Variants in L3MBTL4 observed in about 807,000 individuals in gnomAD.
The protein encoded by L3MBTL4 is L3MBTL histone methyl-lysine binding protein 4, also known as lethal(3)malignant brain tumor-like protein 4.
A neutral mutation model predicts 84.5 loss-of-function variants in L3MBTL4; 70 were observed. That is an observed-to-expected ratio of 0.83 (90% CI 0.68 to 1.01). The LOEUF (loss-of-function observed/expected upper bound fraction) is 1.01, where lower values mean the gene tolerates loss of function less well. Ranked by LOEUF, L3MBTL4 falls within the 50% of genes least tolerant of loss-of-function variation. L3MBTL4 has a pLI of 0.00. For synonymous variants in L3MBTL4, 274 were observed against 259.8 expected, an observed-to-expected ratio of 1.05 and a Z score of -0.52; for missense variants, 715 against 754.8, an observed-to-expected ratio of 0.95 and a Z score of 0.62.
intron 1 of L3MBTL4, among the ~76,000 whole-genome samples, chr18:6,321,049 T>A (rs1202694129): frequency 6.6e-6 from 1 of 152,088 alleles, no homozygotes; most frequent in Non-Finnish European, 1.5e-5. Flanking sequence ...TGAAACAGGA[T>A]CCCTCTCTCT....
At chr18:6,293,492 A>G (rs2049959828) in intron 4 of L3MBTL4, among the ~76,000 whole-genome samples, 1 of 152,210 alleles carries the variant, frequency 6.6e-6, no homozygotes, top group South Asian at 2.1e-4. Flanking sequence ...AAATCCACTG[A>G]ATAAAATAAG....
chr18:6,298,804 G>A (rs1168709979), intron 4 of L3MBTL4, among the ~76,000 whole-genome samples: 3 of 152,092 alleles, frequency 2.0e-5, no homozygotes, highest in Non-Finnish European at 2.9e-5. Flanking sequence ...AACCCGGGAG[G>A]CGGAGGTTGC....
At position 6,390,664 on chromosome 18, in the gene L3MBTL4, G is replaced by T. The variant is rs76762851; in HGVS notation, c.-91+24137C>A. On this transcript the variant is annotated intron_variant, in intron 1 of 18. Coordinates refer to ENST00000317931, the MANE Select transcript of L3MBTL4 (RefSeq NM_001330559.2). ...TGGAGACATTACAACCAACACCACA[G>T]AAATACAAAAAATCCTTCGAGACTG... Among the ~76,000 whole-genome samples the T allele has an allele frequency of 3.7e-3, 563 of 152,204 alleles. 3 individuals carry two copies. The highest frequency in any genetic ancestry group is 5.8e-3 in the Admixed American group (89 of 15,292).
At chr18:6,241,218 G>A (rs1443423832) in intron 8 of L3MBTL4, 140 bp downstream of exon 8, 9 of 603,602 alleles carry the variant, frequency 1.5e-5, no homozygotes, top group Middle Eastern at 4.6e-4. Flanking sequence ...AGAAACTGAC[G>A]AATTAGGTGA....
In L3MBTL4 at chr18:6,111,296, T is replaced by C. The variant is rs527517955; in HGVS notation, c.1200-17768A>G. On this transcript the variant is annotated intron_variant, in intron 14 of 18. Transcript: ENST00000317931. ...AACTCTGTGAATTCATTAAAAACCA[T>C]TGAATGGGTGTAAATAACCACTTTA... Among the ~76,000 whole-genome samples, 21 of 152,332 alleles carry C rather than the reference T, an allele frequency of 1.4e-4. 1 individual carries two copies. The highest frequency in any genetic ancestry group is 2.1e-4 in the South Asian group (1 of 4,824).
intron 16 of L3MBTL4, among the ~76,000 whole-genome samples, chr18:6,042,584 G>A (rs2056451942): frequency 6.6e-6 from 1 of 152,104 alleles, no homozygotes; most frequent in South Asian, 2.1e-4. Context: ...TCCTACATGA[G>A]CCCTCAGCAT....
intron 16 of L3MBTL4, among the ~76,000 whole-genome samples, chr18:5,989,895 G>A (rs1295490285): frequency 1.3e-5 from 2 of 152,218 alleles, no homozygotes; most frequent in South Asian, 2.1e-4. Context: ...GCAGGGCTGG[G>A]CAGGCACCAC....
At chr18:6,291,668 C>A (rs777042172) in intron 4 of L3MBTL4, among the ~76,000 whole-genome samples, 1 of 152,076 alleles carries the variant, frequency 6.6e-6, no homozygotes, top group Non-Finnish European at 1.5e-5. Context: ...GAAACTGGAC[C>A]CGTATCTCTC....
intron 17 of L3MBTL4, among the ~76,000 whole-genome samples, chr18:5,967,950 C>T (rs899852021): frequency 3.3e-5 from 5 of 152,230 alleles, no homozygotes; most frequent in African/African-American, 1.2e-4. Flanking sequence ...GCCTTCTCCA[C>T]CACGTTCCTC....
chr18:6,393,995 C>T (rs1313240610), intron 1 of L3MBTL4, among the ~76,000 whole-genome samples: 1 of 152,094 alleles, frequency 6.6e-6, no homozygotes, highest in Non-Finnish European at 1.5e-5. Flanking sequence ...CCCACACCCG[C>T]TGGCCTCAGG....
chr18:6,071,575 G>T (rs1457113676), intron 16 of L3MBTL4, among the ~76,000 whole-genome samples: 1 of 150,958 alleles, frequency 6.6e-6, no homozygotes, highest in Admixed American at 6.6e-5. Flanking sequence ...GGCCAAGGTT[G>T]CAGTAAGCCA....
At chr18:5,986,942 T>C (rs867986579) in intron 16 of L3MBTL4, among the ~76,000 whole-genome samples, 2 of 152,228 alleles carry the variant, frequency 1.3e-5, no homozygotes, top group Admixed American at 1.3e-4. Flanking sequence ...GAATTACTCC[T>C]TTTTCTGTTT....
chr18:5,979,777 G>C (rs1251664312), intron 16 of L3MBTL4, among the ~76,000 whole-genome samples: 1 of 152,202 alleles, frequency 6.6e-6, no homozygotes, highest in Non-Finnish European at 1.5e-5. Flanking sequence ...CTTTAGCAAG[G>C]TAAGCCTCTG....
intron 14 of L3MBTL4, among the ~76,000 whole-genome samples, chr18:6,126,421 A>G (rs1379124519): frequency 6.6e-6 from 1 of 152,188 alleles, no homozygotes; most frequent in Admixed American, 6.5e-5. Context: ...TCCTTAATCA[A>G]TGTACTGCTC....
chr18:6,370,005 G>A (rs552955357), intron 1 of L3MBTL4, among the ~76,000 whole-genome samples: 1 of 152,076 alleles, frequency 6.6e-6, no homozygotes, highest in South Asian at 2.1e-4. Flanking sequence ...ATGGTGGCAC[G>A]TGCCTGTAGT....
chr18:6,195,436 AG>A (rs1283012882), intron 12 of L3MBTL4, among the ~76,000 whole-genome samples: 1 of 152,200 alleles, frequency 6.6e-6, no homozygotes, highest in African/African-American at 2.4e-5. Flanking sequence ...CTGATTTGCA[AG>A]GCTTTCTGTT....
chr18:6,317,758 G>A (rs962919113), intron 1 of L3MBTL4, among the ~76,000 whole-genome samples: 1 of 152,068 alleles, frequency 6.6e-6, no homozygotes, highest in East Asian at 1.9e-4. Flanking sequence ...AAAAATTCCT[G>A]GGAGACTCAC....
intron 14 of L3MBTL4, 54 bp from the exon 15 acceptor site, chr18:6,093,582 G>A (rs1598727161): frequency 2.1e-6 from 3 of 1,454,190 alleles, no homozygotes; most frequent in Admixed American, 4.8e-5. Context: ...ATAAATCAGG[G>A]ATCCATTGTC....
chr18:6,149,675 A>T (rs949855997), intron 13 of L3MBTL4, among the ~76,000 whole-genome samples: 13 of 152,122 alleles, frequency 8.5e-5, no homozygotes, highest in Non-Finnish European at 1.3e-4. Flanking sequence ...ACAGTGCAAA[A>T]ATGTTCCTAT....
Sources: allele counts gnomAD v4.1 joint callset (sites outside exome capture counted in the v4.1 genomes callset), GRCh38; gene constraint gnomAD v4.1.1; transcripts MANE v1.5; gene names NCBI Gene and HGNC (gene_info 2026-07-23, HGNC 2026-07-21).